TRIM9: variants seen among roughly 807,000 people sequenced by gnomAD.
TRIM9 encodes tripartite motif containing 9, also known as E3 ubiquitin-protein ligase TRIM9.
TRIM9 carries 26 observed loss-of-function variants against 78.3 expected under a neutral mutation model. The ratio of observed to expected loss-of-function variants is 0.33; its 90% CI spans 0.24 to 0.46. TRIM9 has a LOEUF of 0.46. Ranked by LOEUF, TRIM9 falls within the 20% of genes least tolerant of loss-of-function variation. The probability of loss-of-function intolerance (pLI) is 1.00; values close to 1 mark genes in which losing one functional copy is unlikely to be tolerated. For synonymous variants in TRIM9, 398 were observed against 416.5 expected, an observed-to-expected ratio of 0.96 and a Z score of 0.54; for missense variants, 787 against 1,036.4, an observed-to-expected ratio of 0.76 and a Z score of 3.30.
intron 11 of TRIM9, 126 bp downstream of exon 11, chr14:50,981,674 C>T: frequency 3.3e-6 from 4 of 1,223,986 alleles, no homozygotes; most frequent in Non-Finnish European, 4.6e-6. Flanking sequence ...ATTGCCTGTG[C>T]TACTTAATGT....
At chr14:51,083,098 T>C (rs2063454471) in intron 1 of TRIM9, among the ~76,000 whole-genome samples, 1 of 152,236 alleles carries the variant, frequency 6.6e-6, no homozygotes, top group African/African-American at 2.4e-5. Context: ...GACCACTATG[T>C]ACTTGGAATA....
At chr14:51,092,412 G>T (rs1304767374) in intron 1 of TRIM9, among the ~76,000 whole-genome samples, 1 of 151,992 alleles carries the variant, frequency 6.6e-6, no homozygotes, top group African/African-American at 2.4e-5. Flanking sequence ...TTTTTTTCTT[G>T]CTGTAAACAA....
At chr14:51,027,331 A>T (rs1296986367) in intron 1 of TRIM9, among the ~76,000 whole-genome samples, 1 of 151,858 alleles carries the variant, frequency 6.6e-6, no homozygotes, top group South Asian at 2.1e-4. Flanking sequence ...TTTAGTAGAG[A>T]TGGGGTTTCT....
At chr14:50,979,074 G>T in intron 12 of TRIM9, 1 of 1,328,396 alleles carries the variant, frequency 7.5e-7, no homozygotes, top group South Asian at 2.5e-5. Context: ...CATGCCAGTT[G>T]GTTAAAGGCT....
intron 7 of TRIM9, among the ~76,000 whole-genome samples, chr14:50,991,396 C>T (rs1460337460): frequency 2.6e-5 from 4 of 152,154 alleles, no homozygotes; most frequent in African/African-American, 9.7e-5. Flanking sequence ...CATTATGCCT[C>T]TCACCTTGGA....
In TRIM9 at chr14:51,014,038, G is replaced by A. The variant is rs558076730; in HGVS notation, c.1042-3544C>T. 3.3e-5 allele frequency among the ~76,000 whole-genome samples: 5 copies of A among 152,208 alleles called. No individual in the cohort carries two copies. In the East Asian group the frequency reaches 5.8e-4, roughly 18 times the overall value. On this transcript the variant is annotated intron_variant, in intron 3 of 12. Coordinates refer to ENST00000684578, the MANE Select transcript of TRIM9 (RefSeq NM_001387360.1). ...CCTTGACTACAGGTACTGGAAGTCC[G>A]AATAATAAGGACAGATCAAATCTGA...
intron 1 of TRIM9, among the ~76,000 whole-genome samples, chr14:51,041,648 T>A (rs2059585051): frequency 6.6e-6 from 1 of 152,262 alleles, no homozygotes; most frequent in African/African-American, 2.4e-5. Flanking sequence ...AATTTCTCAT[T>A]ATCTATTTCT....
chr14:51,050,341 C>T (rs533657400), intron 1 of TRIM9, among the ~76,000 whole-genome samples: 12 of 152,206 alleles, frequency 7.9e-5, no homozygotes, highest in South Asian at 4.2e-4. Context: ...GTAAGTCTCA[C>T]GAGATCTGAT....
chr14:50,999,074 A>G (rs961325276), intron 6 of TRIM9, among the ~76,000 whole-genome samples: 6 of 152,178 alleles, frequency 3.9e-5, no homozygotes, highest in African/African-American at 1.2e-4. Flanking sequence ...AGGATCTTGT[A>G]AAAATGCAGT....
chr14:51,055,053 A>T (rs1039685667), intron 1 of TRIM9, among the ~76,000 whole-genome samples: 4 of 150,306 alleles, frequency 2.7e-5, no homozygotes, highest in African/African-American at 9.8e-5. Flanking sequence ...CTTGATCTTG[A>T]CCTCGTGATC....
intron 1 of TRIM9, among the ~76,000 whole-genome samples, chr14:51,082,163 CA>C (rs1267741876): frequency 6.6e-6 from 1 of 152,216 alleles, no homozygotes; most frequent in Non-Finnish European, 1.5e-5. Context: ...CACCTCTGGT[CA>C]AGACACTTCT....
chr14:50,988,212 G>A (rs1447134378), intron 7 of TRIM9: 1 of 152,152 alleles, frequency 6.6e-6, no homozygotes, highest in Non-Finnish European at 1.5e-5. Context: ...TAATGGAAAG[G>A]ACATATAAAA....
chr14:51,075,280 G>A lies in TRIM9; in HGVS notation c.822+18838C>T, dbSNP rs191685073. Among the ~76,000 whole-genome samples the A allele has an allele frequency of 3.9e-4, 59 of 152,092 alleles. No homozygotes were observed. In the East Asian group the frequency reaches 8.1e-3, roughly 21 times the overall value. Reference sequence around the variant, plus strand: ...TTCCTTGATGGAGCCCCACTCCCACGCCTACTCCACGTTAATGTTCTGAAA... The same window carrying A: ...TTCCTTGATGGAGCCCCACTCCCACACCTACTCCACGTTAATGTTCTGAAA... On this transcript the variant is annotated intron_variant, in intron 1 of 12. Transcript: ENST00000684578.
intron 1 of TRIM9, among the ~76,000 whole-genome samples, chr14:51,029,681 T>G (rs1032775050): frequency 6.7e-6 from 1 of 149,682 alleles, no homozygotes; most frequent in African/African-American, 2.6e-5. Flanking sequence ...TGTAATACAT[T>G]GGTCATTTCT....
chr14:51,015,514 T>C (rs1463886184), intron 3 of TRIM9, among the ~76,000 whole-genome samples: 13 of 106,674 alleles, frequency 1.2e-4, no homozygotes, highest in South Asian at 3.1e-4. Flanking sequence ...TCTTTTTTTT[T>C]TTTTTTTTTT....
intron 5 of TRIM9, among the ~76,000 whole-genome samples, chr14:51,002,413 T>C (rs2055199275): frequency 6.6e-6 from 1 of 152,064 alleles, no homozygotes; most frequent in Non-Finnish European, 1.5e-5. Flanking sequence ...GGATTAGAGA[T>C]ATGAGCCACC....
At chr14:50,987,828 GT>G (rs2052922229) in intron 7 of TRIM9, among the ~76,000 whole-genome samples, 1 of 151,872 alleles carries the variant, frequency 6.6e-6, no homozygotes, top group African/African-American at 2.4e-5. Context: ...TTGAGACAGG[GT>G]CTCACTCTGT....
intron 2 of TRIM9, 77 bp downstream of exon 2, chr14:51,025,183 TAAAAG>T (rs2058101990): frequency 1.6e-6 from 2 of 1,257,620 alleles, no homozygotes; most frequent in African/African-American, 1.5e-5. Flanking sequence ...CACATAAAAA[TAAAAG>T]AGGAGAAGGA....
intron 1 of TRIM9, among the ~76,000 whole-genome samples, chr14:51,052,730 C>T (rs553561982): frequency 1.4e-3 from 217 of 152,296 alleles, no homozygotes; most frequent in African/African-American, 4.9e-3. Context: ...TTTTAGCCCC[C>T]TCTTTTTGAC....
Sources: allele counts gnomAD v4.1 joint callset (sites outside exome capture counted in the v4.1 genomes callset), GRCh38; gene constraint gnomAD v4.1.1; transcripts MANE v1.5; gene names NCBI Gene and HGNC (gene_info 2026-07-23, HGNC 2026-07-21).